Variants in RBFOX1 observed in about 807,000 individuals in gnomAD.
The protein encoded by RBFOX1 is RNA binding protein fox-1 homolog 1.
RBFOX1 carries 8 observed loss-of-function variants against 57.7 expected under a neutral mutation model. The observed-to-expected ratio is 0.14, with a 90% CI of 0.08 to 0.25. The LOEUF is 0.25. RBFOX1 is among the 10% of genes least tolerant of loss of function. RBFOX1 has a pLI of 1.00. For missense variants in RBFOX1, 611 were observed against 548.5 expected, an observed-to-expected ratio of 1.11 and a Z score of -1.14; for synonymous variants, 326 against 222.4, an observed-to-expected ratio of 1.47 and a Z score of -4.15.
At chr16:5,299,947 A>C (rs1410746783) in intron 1 of RBFOX1, among the ~76,000 whole-genome samples, 1 of 151,822 alleles carries the variant, frequency 6.6e-6, no homozygotes, top group Non-Finnish European at 1.5e-5. Context: ...ACTTTATCAC[A>C]TTGAGGATGT....
chr16:7,047,631 A>G (rs1270904917), intron 3 of RBFOX1, among the ~76,000 whole-genome samples: 1 of 145,290 alleles, frequency 6.9e-6, no homozygotes. Flanking sequence ...TTTTTTTTGC[A>G]GTGAACTCTT....
intron 3 of RBFOX1, among the ~76,000 whole-genome samples, chr16:5,812,064 C>A (rs551718519): frequency 3.3e-4 from 51 of 152,292 alleles, no homozygotes; most frequent in African/African-American, 1.1e-3. Flanking sequence ...CACCTGGCTC[C>A]TTTGGCTTAC....
chr16:7,030,437 C>G (rs993413128), intron 3 of RBFOX1, among the ~76,000 whole-genome samples: 1 of 152,194 alleles, frequency 6.6e-6, no homozygotes, highest in African/African-American at 2.4e-5. Context: ...AAAATGTCAG[C>G]AAGGCCAAGT....
intron 3 of RBFOX1, among the ~76,000 whole-genome samples, chr16:5,837,812 T>C (rs1403188145): frequency 6.6e-6 from 1 of 152,198 alleles, no homozygotes; most frequent in Non-Finnish European, 1.5e-5. Flanking sequence ...ATCTCATTGA[T>C]CACACTATCC....
At chr16:5,974,645 C>G (rs934192953) in intron 4 of RBFOX1, among the ~76,000 whole-genome samples, 1 of 151,696 alleles carries the variant, frequency 6.6e-6, no homozygotes, top group East Asian at 2.0e-4. Flanking sequence ...TGTCCCCAAC[C>G]CAGGTTTTAT....
intron 3 of RBFOX1, among the ~76,000 whole-genome samples, chr16:5,779,582 G>C (rs2054261395): frequency 6.6e-6 from 1 of 152,160 alleles, no homozygotes; most frequent in Non-Finnish European, 1.5e-5. Flanking sequence ...TGCTTATTTG[G>C]AGAGTTGTTC....
chr16:5,597,586 G>A lies in RBFOX1; in HGVS notation c.259-1316G>A, dbSNP rs538847996. ...TGGCTGATTTTGTACTTTTAGTAGA[G>A]ACGGTGTTTCACCATGTTGGCCAGA... On this transcript the variant is annotated intron_variant, in intron 2 of 2. Coordinates refer to the RBFOX1 transcript ENST00000585867. Among the ~76,000 whole-genome samples, 37 of 152,016 alleles carry A rather than the reference G, an allele frequency of 2.4e-4. 1 individual carries two copies. The South Asian group carries it at 5.6e-3, about 23-fold the overall frequency.
At chr16:7,437,119 C>T (rs981539417) in intron 4 of RBFOX1, among the ~76,000 whole-genome samples, 2 of 152,088 alleles carry the variant, frequency 1.3e-5, no homozygotes, top group Non-Finnish European at 2.9e-5. Flanking sequence ...AGAGCAGAAG[C>T]ATCACAGGGC....
At chr16:6,350,577 G>C (rs952541355) in intron 2 of RBFOX1, among the ~76,000 whole-genome samples, 2 of 149,314 alleles carry the variant, frequency 1.3e-5, no homozygotes, top group Non-Finnish European at 1.5e-5. Context: ...TTTAACTAAG[G>C]TGATGCCTGA....
At chr16:7,445,892 G>A (rs2098804011) in intron 4 of RBFOX1, among the ~76,000 whole-genome samples, 1 of 152,142 alleles carries the variant, frequency 6.6e-6, no homozygotes, top group Non-Finnish European at 1.5e-5. Context: ...CAATTGGATG[G>A]TGAGTATTTT....
intron 3 of RBFOX1, among the ~76,000 whole-genome samples, chr16:6,996,965 A>G (rs1002573541): frequency 1.3e-5 from 2 of 152,174 alleles, no homozygotes; most frequent in Admixed American, 1.3e-4. Context: ...AAGAAAGTTT[A>G]TAGGCAGCAT....
intron 5 of RBFOX1, among the ~76,000 whole-genome samples, chr16:7,573,550 A>G (rs944338344): frequency 7.2e-5 from 11 of 152,134 alleles, no homozygotes; most frequent in Admixed American, 4.6e-4. Context: ...CATAACTTTT[A>G]TGGCCAGGCA....
chr16:6,553,012 A>C (rs1199528141), intron 2 of RBFOX1, among the ~76,000 whole-genome samples: 1 of 152,138 alleles, frequency 6.6e-6, no homozygotes, highest in South Asian at 2.1e-4. Flanking sequence ...AAGTTCTCTG[A>C]GGACTGGCTT....
At chr16:6,669,471 T>G (rs1330012900) in intron 3 of RBFOX1, among the ~76,000 whole-genome samples, 1 of 152,138 alleles carries the variant, frequency 6.6e-6, no homozygotes, top group Non-Finnish European at 1.5e-5. Flanking sequence ...TTTTTCATAT[T>G]TTCTTTGTTT....
At chr16:6,684,920 T>C (rs2059200244) in intron 3 of RBFOX1, among the ~76,000 whole-genome samples, 1 of 152,228 alleles carries the variant, frequency 6.6e-6, no homozygotes, top group Non-Finnish European at 1.5e-5. Context: ...GCATACTTTA[T>C]ACATTTTCTG....
chr16:5,359,601 T>G (rs2065487031), intron 1 of RBFOX1, among the ~76,000 whole-genome samples: 1 of 152,266 alleles, frequency 6.6e-6, no homozygotes. Flanking sequence ...GTTTGTCATT[T>G]TTAGGTCTGC....
intron 2 of RBFOX1, among the ~76,000 whole-genome samples, chr16:6,555,587 C>G (rs1174719362): frequency 1.3e-5 from 2 of 152,024 alleles, no homozygotes; most frequent in Non-Finnish European, 2.9e-5. Context: ...GTAGTCCCAG[C>G]TACTCAGGAG....
intron 3 of RBFOX1, among the ~76,000 whole-genome samples, chr16:5,806,257 C>G (rs1232975947): frequency 2.0e-5 from 3 of 152,250 alleles, no homozygotes; most frequent in Non-Finnish European, 4.4e-5. Flanking sequence ...TTAAGAATGA[C>G]AATTTATTTT....
In RBFOX1 at chr16:7,167,925, G is replaced by T. The variant is rs1038474294; in HGVS notation, c.27+115827G>T. Among the ~76,000 whole-genome samples, 6 of 152,250 alleles carry T rather than the reference G, an allele frequency of 3.9e-5. No homozygotes were observed. In the East Asian group the frequency reaches 1.2e-3, roughly 29 times the overall value. ...TGTTTAATTTATGTGCTTGTCTGGG[G>T]ATGCTGCGGGGTAGGGGATGTTTGT... On this transcript the variant is annotated intron_variant, in intron 4 of 15. Coordinates refer to ENST00000550418, the MANE Select transcript of RBFOX1 (RefSeq NM_018723.4).
Sources: gnomAD v4.1 joint callset for allele counts (sites outside exome capture counted in the v4.1 genomes callset) on GRCh38, gnomAD v4.1.1 for gene constraint, MANE v1.5 for transcripts, NCBI Gene and HGNC (gene_info 2026-07-23, HGNC 2026-07-21) for gene names.